The following KLRG1 variants were observed in gnomAD, a reference collection of about 807,000 sequenced individuals.
KLRG1 encodes the protein killer cell lectin like receptor G1, also known as killer cell lectin-like receptor subfamily G member 1.
A neutral mutation model predicts 21.8 loss-of-function variants in KLRG1; 16 were observed. The ratio of observed to expected loss-of-function variants is 0.73; its 90% CI spans 0.50 to 1.11. KLRG1 has a LOEUF of 1.11. Ranked by LOEUF, KLRG1 falls within the 50% of genes most tolerant of loss-of-function variation. KLRG1 has a pLI of 0.00. For synonymous variants in KLRG1, 69 were observed against 75.9 expected (o/e 0.91, Z 0.47); for missense variants, 173 against 218.3 (o/e 0.79, Z 1.31).
the KLRG1 span, chr12:9,152,073 T>G: frequency 3.0e-6 from 2 of 676,194 alleles, no homozygotes; most frequent in East Asian, 2.7e-5. Flanking sequence ...TACGGCCAAC[T>G]AAATAGTTCA....
the KLRG1 span, chr12:9,055,564 C>T: frequency 3.3e-5 from 5 of 152,356 alleles, no homozygotes; most frequent in Non-Finnish European, 2.9e-5. Flanking sequence ...AGTAAATTTG[C>T]ATTAAATGAA....
At chr12:9,124,952 C>A in the KLRG1 span, among the ~76,000 whole-genome samples, 1 of 152,220 alleles carries the variant, frequency 6.6e-6, no homozygotes, top group South Asian at 2.1e-4. Flanking sequence ...CAGGCATTTC[C>A]TCCACCCCAT....
chr12:8,960,536 A>G (rs2137213602), intron 1 of KLRG1, among the ~76,000 whole-genome samples: 1 of 152,322 alleles, frequency 6.6e-6, no homozygotes, highest in South Asian at 2.1e-4. Context: ...TCACTAGCGC[A>G]TTCAAATTAG....
chr12:9,186,964 C>A, the KLRG1 span, among the ~76,000 whole-genome samples: 1 of 149,970 alleles, frequency 6.7e-6, no homozygotes, highest in Non-Finnish European at 1.5e-5. Flanking sequence ...CAAACCTGCA[C>A]GTTCTGCCCA....
At chr12:9,152,715 T>C in the KLRG1 span, 14 of 1,171,398 alleles carry the variant, frequency 1.2e-5, no homozygotes, top group African/African-American at 1.9e-4. Context: ...GATATATCAA[T>C]TCTAAATTAT....
At chr12:9,188,547 A>G in the KLRG1 span, among the ~76,000 whole-genome samples, 1 of 152,226 alleles carries the variant, frequency 6.6e-6, no homozygotes, top group African/African-American at 2.4e-5. Context: ...ACAAAGAAAT[A>G]AAGGGCATCA....
At chr12:9,133,092 G>A in the KLRG1 span, among the ~76,000 whole-genome samples, 6 of 152,086 alleles carry the variant, frequency 3.9e-5, no homozygotes, top group South Asian at 2.1e-4. Context: ...AAGGATGATT[G>A]TAGATTTCCT....
the KLRG1 span, chr12:9,072,799 G>T: frequency 3.1e-5 from 50 of 1,614,212 alleles, no homozygotes; most frequent in African/African-American, 6.0e-4. Flanking sequence ...ATAGTCACCT[G>T]TGCAGCCTTC....
the KLRG1 span, among the ~76,000 whole-genome samples, chr12:9,086,691 G>A: frequency 1.3e-5 from 2 of 152,150 alleles, no homozygotes; most frequent in East Asian, 1.9e-4. Flanking sequence ...ATATTTAACA[G>A]TGGAAAATTG....
chr12:9,195,578 G>A, the KLRG1 span, among the ~76,000 whole-genome samples: 1 of 151,072 alleles, frequency 6.6e-6, no homozygotes, highest in Non-Finnish European at 1.5e-5. Context: ...CAAGCAGCTG[G>A]GACTACAGGT....
chr12:9,068,867 G>A, the KLRG1 span: 2 of 1,510,292 alleles, frequency 1.3e-6, no homozygotes, highest in African/African-American at 1.4e-5. Context: ...TCAATTAAAT[G>A]ACCTTTCAGG....
chr12:9,091,645 TAC>T, the KLRG1 span, among the ~76,000 whole-genome samples: 3 of 152,244 alleles, frequency 2.0e-5, no homozygotes, highest in African/African-American at 7.2e-5. Flanking sequence ...CATAATCTTT[TAC>T]AGACAATATA....
chr12:9,032,552 CTG>C, the KLRG1 span, among the ~76,000 whole-genome samples: 1 of 152,144 alleles, frequency 6.6e-6, no homozygotes, highest in Non-Finnish European at 1.5e-5. Flanking sequence ...TAAACCACCT[CTG>C]TAAAACTAAT....
chr12:9,209,297 C>T, the KLRG1 span, among the ~76,000 whole-genome samples: 1 of 152,098 alleles, frequency 6.6e-6, no homozygotes, highest in East Asian at 1.9e-4. Flanking sequence ...GCCTAATCAT[C>T]CCTTCTTTGG....
At chr12:9,095,904 C>T in the KLRG1 span, among the ~76,000 whole-genome samples, 2 of 151,294 alleles carry the variant, frequency 1.3e-5, no homozygotes, top group Non-Finnish European at 3.0e-5. Context: ...GGACTACAGG[C>T]GCCCGCCACC....
the KLRG1 span, among the ~76,000 whole-genome samples, chr12:9,054,457 A>G: frequency 6.6e-6 from 1 of 152,172 alleles, no homozygotes; most frequent in Non-Finnish European, 1.5e-5. Context: ...TGGATACATA[A>G]TAGTTGCATG....
At chr12:9,167,078 C>G in the KLRG1 span, 1 of 152,188 alleles carries the variant, frequency 6.6e-6, no homozygotes, top group African/African-American at 2.4e-5. Flanking sequence ...ACACCTTGCC[C>G]CATGTCCTTC....
chr12:9,169,816 A>C, the KLRG1 span: 40 of 390,606 alleles, frequency 1.0e-4, no homozygotes, highest in African/African-American at 7.5e-4. Flanking sequence ...ACAAAATCTT[A>C]AGTTATGAAG....
the KLRG1 span, chr12:9,192,236 G>A: frequency 1.8e-4 from 298 of 1,614,018 alleles, no homozygotes; most frequent in Non-Finnish European, 2.5e-4. Context: ...CAGATCTGAC[G>A]ATGACTCCCT....
Sources: gnomAD v4.1 joint callset for allele counts (sites outside exome capture counted in the v4.1 genomes callset) on GRCh38, gnomAD v4.1.1 for gene constraint, MANE v1.5 for transcripts, NCBI Gene and HGNC (gene_info 2026-07-23, HGNC 2026-07-21) for gene names.